The following PKP3 variants were observed in gnomAD, a reference collection of about 807,000 sequenced individuals.
PKP3 encodes plakophilin-3.
Under a neutral mutation model 76.5 loss-of-function variants are expected in PKP3, and 66 were observed. The ratio of observed to expected loss-of-function variants is 0.86; its 90% CI spans 0.71 to 1.06. The LOEUF (loss-of-function observed/expected upper bound fraction) is 1.06. Ranked by LOEUF, PKP3 falls within the 50% of genes least tolerant of loss-of-function variation. The pLI, the probability that PKP3 is intolerant of heterozygous loss-of-function variation, is 0.00. For missense variants in PKP3, 1,338 were observed against 1,141.0 expected (o/e 1.17, Z -2.49); for synonymous variants, 638 against 516.5 (o/e 1.24, Z -3.19).
chr11:393,143 G>A (rs1846997171), upstream of PKP3, among the ~76,000 whole-genome samples: 1 of 151,482 alleles, frequency 6.6e-6, no homozygotes, highest in South Asian at 2.1e-4. Flanking sequence ...GAGGCTAGAG[G>A]GCCTCAGAGC....
chr11:396,836 C>T lies in PKP3; in HGVS notation c.335C>T (p.Pro112Leu), dbSNP rs765453410. The change falls in exon 3 of 13, where the codon CCG (proline) becomes CTG (leucine). Residue 112 changes from proline to leucine, a missense_variant. By Grantham distance (98) the Pro-to-Leu change is moderately conservative. Transcript: ENST00000331563. ...KTSGFRPIAK[P>L]AYSPASWSSR... ...CAGGGCTTCCGGCCCATCGCCAAGC[C>T]GGCCTACAGCCCAGCCTCCTGGTCC... 85 of 1,595,864 alleles carry T rather than the reference C, an allele frequency of 5.3e-5. No homozygotes were observed. The highest frequency in any genetic ancestry group is 6.8e-5 in the Admixed American group (4 of 59,032).
chr11:404,131 G>GAC lies in PKP3; in HGVS notation c.2268_2269dup (p.Ser757ThrfsTer44). 6.2e-7 allele frequency: 1 copy of GAC among 1,609,750 alleles called. No homozygotes were observed. The highest frequency in any genetic ancestry group is 8.5e-7 in the Non-Finnish European group (1 of 1,177,902). ...GCTCATCTTCATCAAGAAGAAGCGGGACAGGTAGGGGCCGACCCAGCCGTG... is the reference window on the plus strand; with the variant it reads ...GCTCATCTTCATCAAGAAGAAGCGGGACACAGGTAGGGGCCGACCCAGCCGTG... On this transcript the variant is annotated frameshift_variant, in exon 11 of 13. Transcript: ENST00000331563. LOFTEE classifies it high-confidence loss of function. This position sits in a 1 kb window ranked among gnomAD's most constrained non-coding sequence, Gnocchi z 4.2.
chr11:394,296 C>T lies in PKP3; in HGVS notation c.4C>T (p.Gln2Ter). 2 of 1,510,710 alleles carry T rather than the reference C, an allele frequency of 1.3e-6. No individual in the cohort carries two copies. The highest frequency in any genetic ancestry group is 1.8e-6 in the Non-Finnish European group (2 of 1,136,094). The allele number at this position is 1,510,710 out of a possible 1,614,324, so 93.6% of individuals were successfully genotyped here. M[Q>*]DGNFLLSALQ... is the part of the protein sequence containing the mutation. ...CAGGCCCGGTGGACCTGCCGCCATGCAGGACGGTAACTTCCTGCTGTCGGC... is the reference window on the plus strand; with the variant it reads ...CAGGCCCGGTGGACCTGCCGCCATGTAGGACGGTAACTTCCTGCTGTCGGC... Residue 2 changes from glutamine to a stop codon, truncating the protein, a stop_gained, in exon 1 of 13, where the codon CAG becomes TAG. Transcript: ENST00000331563. LOFTEE classifies it high-confidence loss of function.
chr11:404,169 CA>C lies in PKP3; in HGVS notation c.2270+35del. 1 of 1,607,858 alleles carries C rather than the reference CA, an allele frequency of 6.2e-7. No individual in the cohort carries two copies. Among genetic ancestry groups the C allele is most frequent in the South Asian group, 1.1e-5 (1 of 90,732 alleles). ...CGACCCAGCCGTGCAGCAGCCTGGTCAGGGGTCCTCCCAGTCCACCCTGCTT... is the reference window on the plus strand; with the variant it reads ...CGACCCAGCCGTGCAGCAGCCTGGTCGGGGTCCTCCCAGTCCACCCTGCTT... On this transcript the variant is annotated intron_variant, in intron 11 of 12. Coordinates refer to ENST00000331563, the MANE Select transcript of PKP3 (RefSeq NM_007183.4). The surrounding 1 kb of genome is among the most constrained non-coding windows in gnomAD (Gnocchi z 4.2).
At position 403,725 on chromosome 11, in the gene PKP3, C is replaced by G; in HGVS notation, c.2031C>G (p.Gly677=). ...ADHHQLRSLT[G]LIRNLSRNAR... ...ACCACCAGCTGCGCTCACTGACTGG[C>G]CTCATCCGAAACCTGTCTCGGAACG... Residue 677 remains glycine (G), a synonymous_variant, in exon 10 of 13, where the codon GGC becomes GGG. Transcript: ENST00000331563. 1 of 1,609,826 alleles carries G rather than the reference C, an allele frequency of 6.2e-7. No individual in the cohort carries two copies.
intron 8 of PKP3, 92 bp downstream of exon 8, chr11:400,797 G>GCTCACCCCGGA: frequency 2.0e-6 from 1 of 506,078 alleles, no homozygotes; most frequent in Non-Finnish European, 2.3e-6. Context: ...GCTCACCCCC[G>GCTCACCCCGGA]CCCCGCTCAC....
chr11:394,124 G>T (rs1590350760), upstream of PKP3: 42 of 1,092,896 alleles, frequency 3.8e-5, 2 homozygotes, highest in South Asian at 8.4e-4. Flanking sequence ...ACCTGGCCAG[G>T]TGTCCCCGCC....
At position 400,645 on chromosome 11, in the gene PKP3, G is replaced by T. The variant is rs769569967; in HGVS notation, c.1677G>T (p.Ala559=). 21 of 1,372,062 alleles carry T rather than the reference G, an allele frequency of 1.5e-5. No homozygotes were observed. The South Asian group carries it at 2.9e-4, about 19-fold the overall frequency. The allele number at this position is 1,372,062 out of a possible 1,614,324, so 85.0% of individuals were successfully genotyped here. A position where few individuals can be genotyped will look rare whatever the true frequency, so the allele number is the denominator to read the frequency against. The change falls in exon 8 of 13, where the codon GCG becomes GCT. Residue 559 remains alanine (A), a synonymous_variant. Coordinates refer to ENST00000331563, the MANE Select transcript of PKP3 (RefSeq NM_007183.4). Reference sequence around the variant, plus strand: ...AGGGTCGCGGCCGCAGGGACCTGGCGGGGGCGCCGCCGGGAGAGGTCGTGG... The same window carrying T: ...AGGGTCGCGGCCGCAGGGACCTGGCTGGGGCGCCGCCGGGAGAGGTCGTGG... The part of the protein sequence containing the change: ...RLEGRGRRDL[A]GAPPGEVVGC...
In PKP3 at chr11:394,489, C is replaced by T; in HGVS notation, c.197C>T (p.Ala66Val). The change falls in exon 1 of 13, where the codon GCC becomes GTC. Residue 66 changes from alanine to valine, a missense_variant. Transcript: ENST00000331563. The part of the protein sequence containing the change: ...QLGQQPRHNG[A>V]AEPEPEAETA... ...GGACAGCAGCCGCGGCACAACGGGGCCGCTGAGCCCGAGCCTGAGGCCGAG... is the reference window on the plus strand; with the variant it reads ...GGACAGCAGCCGCGGCACAACGGGGTCGCTGAGCCCGAGCCTGAGGCCGAG... 1.4e-6 allele frequency: 2 copies of T among 1,411,968 alleles called. No homozygotes were observed. Among genetic ancestry groups the T allele is most frequent in the Non-Finnish European group, 1.8e-6 (2 of 1,090,738 alleles). The allele number at this position is 1,411,968 out of a possible 1,614,324, so 87.5% of individuals were successfully genotyped here.
intron 6 of PKP3, 71 bp downstream of exon 6, chr11:400,212 C>CGTTCGCA: frequency 7.1e-7 from 1 of 1,416,864 alleles, no homozygotes; most frequent in Non-Finnish European, 9.4e-7. Flanking sequence ...CCTGGCCTGG[C>CGTTCGCA]GTTCGCAGCC....
At chr11:398,034 CCG>C (rs1847082817) in intron 4 of PKP3, among the ~76,000 whole-genome samples, 1 of 114,250 alleles carries the variant, frequency 8.8e-6, no homozygotes, top group African/African-American at 3.8e-5. Flanking sequence ...TGCGTCACCT[CCG>C]TACCCCCGCA....
chr11:399,141 C>T lies in PKP3; in HGVS notation c.1218C>T (p.Phe406=), dbSNP rs371353602. 146 of 1,611,722 alleles carry T rather than the reference C, an allele frequency of 9.1e-5. No individual in the cohort carries two copies. Among genetic ancestry groups the T allele is most frequent in the African/African-American group, 8.4e-4 (63 of 74,944 alleles). ...CCCTGGTGGAGGAGAACGGGATCTT[C>T]GAGCTGCTGCGGACACTGCGGGAGC... ...KLALVEENGI[F]ELLRTLREQD... The change falls in exon 5 of 13, where the codon TTC becomes TTT. Residue 406 remains phenylalanine, a synonymous_variant. Transcript: ENST00000331563.
Position 404,600 on chromosome 11 carries a change from G to T in PKP3, c.*31G>T. Reference sequence around the variant, plus strand: ...GCCTTCTGGAGGAGAAGGTGACGTGGCCCAGCGTCCAAGGGACAGACTCAG... The same window carrying T: ...GCCTTCTGGAGGAGAAGGTGACGTGTCCCAGCGTCCAAGGGACAGACTCAG... On this transcript the variant is annotated 3_prime_UTR_variant, in exon 13 of 13. Transcript: ENST00000331563. This position sits in a 1 kb window ranked among gnomAD's most constrained non-coding sequence, Gnocchi z 4.2. 1.2e-6 allele frequency: 2 copies of T among 1,608,414 alleles called. No individual in the cohort carries two copies. The highest frequency in any genetic ancestry group is 1.7e-6 in the Non-Finnish European group (2 of 1,176,250).
intron 4 of PKP3, 142 bp downstream of exon 4, chr11:397,804 C>T: frequency 3.9e-6 from 3 of 773,120 alleles, no homozygotes; most frequent in Non-Finnish European, 4.1e-6. Flanking sequence ...GGAGCCCCCT[C>T]AGCAGAGGAA....
At chr11:395,373 AG>A (rs967028015) in intron 1 of PKP3, among the ~76,000 whole-genome samples, 18 of 152,264 alleles carry the variant, frequency 1.2e-4, no homozygotes, top group Admixed American at 9.8e-4. Context: ...GCCACTGGCC[AG>A]GGGGAAGTGA....
chr11:400,309 G>A, intron 6 of PKP3, 25 bp from the exon 7 acceptor site: 3 of 1,522,270 alleles, frequency 2.0e-6, no homozygotes, highest in Non-Finnish European at 1.8e-6. Context: ...GTCCCTGGGG[G>A]GCTCTGATCC....
In PKP3 at chr11:400,182, G is replaced by A. The variant is rs758232338; in HGVS notation, c.1448+41G>A. The A allele has an allele frequency of 1.3e-4, 186 of 1,472,400 alleles. 1 individual carries two copies. In the East Asian group the frequency reaches 4.3e-3, roughly 34 times the overall value. The allele number at this position is 1,472,400 out of a possible 1,614,324, so 91.2% of individuals were successfully genotyped here. The stretch of plus-strand genomic sequence containing the variant: ...GCAGCGGGGTGGGGATTGCAGGCGC[G>A]GGTCACTGTGGGGACTCCGCCTGGC... On this transcript the variant is annotated intron_variant, in intron 6 of 12. Transcript: ENST00000331563.
intron 1 of PKP3, 142 bp downstream of exon 1, chr11:394,666 G>GA: frequency 1.4e-6 from 1 of 689,812 alleles, no homozygotes; most frequent in Non-Finnish European, 2.1e-6. Context: ...CCCCGCCCCA[G>GA]GGGCGTGGGG....
intron 4 of PKP3, 31 bp downstream of exon 4, chr11:397,693 C>G: frequency 2.5e-6 from 4 of 1,602,156 alleles, no homozygotes; most frequent in Non-Finnish European, 3.4e-6. Context: ...CTCGCTGCCC[C>G]CTGGTGACCT....
Sources: allele counts gnomAD v4.1 joint callset (sites outside exome capture counted in the v4.1 genomes callset), GRCh38; gene constraint gnomAD v4.1.1; non-coding constraint Gnocchi (gnomAD v3.1); transcripts MANE v1.5; gene names NCBI Gene and HGNC (gene_info 2026-07-23, HGNC 2026-07-21).